The following TCERG1L variants were observed in gnomAD, a reference collection of about 807,000 sequenced individuals.
TCERG1L encodes transcription elongation regulator 1-like protein.
In TCERG1L, 37 loss-of-function variants were observed where a neutral mutation model predicts 56.3. The ratio of observed to expected loss-of-function variants is 0.66; its 90% confidence interval spans 0.51 to 0.87. The LOEUF is 0.87. Ranked by LOEUF, TCERG1L falls within the 40% of genes least tolerant of loss-of-function variation. The pLI, the probability that TCERG1L is intolerant of heterozygous loss-of-function variation, is 0.00. For missense variants in TCERG1L, 799 were observed against 774.2 expected, an observed-to-expected ratio of 1.03 and a Z score of -0.38; for synonymous variants, 324 against 326.3, an observed-to-expected ratio of 0.99 and a Z score of 0.08.
chr10:131,200,554 T>C lies in TCERG1L; in HGVS notation c.857-33669A>G, dbSNP rs117603474. 7.8e-4 allele frequency among the ~76,000 whole-genome samples: 119 copies of C among 152,348 alleles called. No homozygotes were observed. In the East Asian group the frequency reaches 0.021, roughly 27 times the overall value. ...TGTTTATCCTATGTGTGTTCCACCA[T>C]TGTATTTTGGAATCGGATGACTTGC... is the stretch of plus-strand genomic sequence containing the variant. On this transcript the variant is annotated intron_variant, in intron 4 of 11. Coordinates refer to ENST00000368642, the MANE Select transcript of TCERG1L (RefSeq NM_174937.4).
Position 131,260,494 on chromosome 10 carries a change from G to T in TCERG1L, c.671-50C>A. ...CAGCAAGGGGACGACCAGGGCCATG[G>T]GTGACAGATGCCCATCTCGCTACCG... On this transcript the variant is annotated intron_variant, in intron 3 of 11. Transcript: ENST00000368642. The surrounding 1 kb of genome is among the most constrained non-coding windows in gnomAD (Gnocchi z 5.8). 7.4e-7 allele frequency: 1 copy of T among 1,346,012 alleles called. No homozygotes were observed. The highest frequency in any genetic ancestry group is 9.6e-7 in the Non-Finnish European group (1 of 1,045,224). 83.4% of individuals were successfully genotyped at this position (1,346,012 alleles called of 1,614,324 possible).
chr10:131,177,244 T>C (rs1032553447), intron 4 of TCERG1L, among the ~76,000 whole-genome samples: 21 of 140,276 alleles, frequency 1.5e-4, no homozygotes, highest in African/African-American at 5.0e-4. Context: ...ACATGTACAC[T>C]ACACACACAC....
At chr10:131,191,883 A>AAAAAAAG (rs1564811246) in intron 4 of TCERG1L, among the ~76,000 whole-genome samples, 52 of 136,204 alleles carry the variant, frequency 3.8e-4, no homozygotes, top group African/African-American at 1.4e-3. Flanking sequence ...AAAAAAAAAA[A>AAAAAAAG]AAAAAAGAAA....
chr10:131,161,829 G>A (rs1845980289), intron 6 of TCERG1L: 1 of 152,342 alleles, frequency 6.6e-6, no homozygotes, highest in African/African-American at 2.4e-5. Context: ...CCAGGCTGGT[G>A]AACGCTGCAG....
intron 3 of TCERG1L, among the ~76,000 whole-genome samples, chr10:131,276,786 G>C (rs533370089): frequency 1.3e-5 from 2 of 152,284 alleles, no homozygotes; most frequent in East Asian, 3.9e-4. Flanking sequence ...TTCCATGACT[G>C]TCCGGGACGG....
chr10:131,120,853 C>T (rs1845505783), intron 8 of TCERG1L, among the ~76,000 whole-genome samples: 1 of 152,202 alleles, frequency 6.6e-6, no homozygotes, highest in South Asian at 2.1e-4. Context: ...CCTTCCCTCC[C>T]TCTCCAGCTT....
At chr10:131,206,309 A>G (rs1053872150) in intron 4 of TCERG1L, among the ~76,000 whole-genome samples, 4 of 152,186 alleles carry the variant, frequency 2.6e-5, no homozygotes, top group Admixed American at 6.5e-5. Context: ...CAGGGAGGTC[A>G]GCCCGGGACA....
In TCERG1L at chr10:131,302,799, C is replaced by G. The variant is rs536231534; in HGVS notation, c.670+5412G>C. Among the ~76,000 whole-genome samples the G allele has an allele frequency of 7.0e-4, 106 of 151,864 alleles. 3 individuals are homozygous for G. Among genetic ancestry groups the G allele is most frequent in the Middle Eastern group, 3.4e-3 (1 of 294 alleles). On this transcript the variant is annotated intron_variant, in intron 3 of 11. Coordinates refer to ENST00000368642, the MANE Select transcript of TCERG1L (RefSeq NM_174937.4). ...CCTAGCCCCCCACCCCGCAACAGGC[C>G]CTGGTGTGTGATGTTCCCCTCCCTG...
At chr10:131,249,228 A>G (rs1428456458) in intron 4 of TCERG1L, among the ~76,000 whole-genome samples, 3 of 152,240 alleles carry the variant, frequency 2.0e-5, no homozygotes, top group Non-Finnish European at 2.9e-5. Context: ...CATTGTCTTA[A>G]GCAGATATAA....
At chr10:131,207,687 C>T (rs969890539) in intron 4 of TCERG1L, among the ~76,000 whole-genome samples, 4 of 152,264 alleles carry the variant, frequency 2.6e-5, no homozygotes, top group Admixed American at 1.3e-4. Context: ...GTGAGGACAG[C>T]GCGGGCCTCT....
intron 6 of TCERG1L, among the ~76,000 whole-genome samples, chr10:131,149,989 T>C (rs1459643299): frequency 6.6e-6 from 1 of 152,222 alleles, no homozygotes. Flanking sequence ...AGAGGGCCCA[T>C]TTCTAACAGT....
At chr10:131,229,120 A>C (rs1845823841) in intron 4 of TCERG1L, among the ~76,000 whole-genome samples, 1 of 123,488 alleles carries the variant, frequency 8.1e-6, no homozygotes. Flanking sequence ...GCATTTCCTC[A>C]AGGTCTCCGG....
chr10:131,220,969 G>A (rs1845725364), intron 4 of TCERG1L, among the ~76,000 whole-genome samples: 1 of 152,160 alleles, frequency 6.6e-6, no homozygotes, highest in South Asian at 2.1e-4. Flanking sequence ...GGTCACTGAG[G>A]CAGCCCCACC....
intron 4 of TCERG1L, among the ~76,000 whole-genome samples, chr10:131,252,544 C>T (rs1251078278): frequency 6.6e-6 from 1 of 152,152 alleles, no homozygotes. Context: ...GCACGGATTT[C>T]ATTCATGCAC....
chr10:131,272,923 G>A lies in TCERG1L; in HGVS notation c.671-12479C>T, dbSNP rs562335579. Among the ~76,000 whole-genome samples, 204 of 152,340 alleles carry A rather than the reference G, an allele frequency of 1.3e-3. 1 individual carries two copies. The highest frequency in any genetic ancestry group is 1.8e-3 in the Non-Finnish European group (122 of 68,034). ...GTTGTTTAGAGGACCAAATGGACAA[G>A]GTGCCCAGCCGGGAGCTCTGTAGCT... On this transcript the variant is annotated intron_variant, in intron 3 of 11. Transcript: ENST00000368642.
intron 3 of TCERG1L, among the ~76,000 whole-genome samples, chr10:131,305,705 C>G (rs947067026): frequency 6.6e-6 from 1 of 152,084 alleles, no homozygotes; most frequent in African/African-American, 2.4e-5. Flanking sequence ...TTGATTCACT[C>G]TTCCAGCTCT....
At chr10:131,236,002 C>T (rs910035688) in intron 4 of TCERG1L, among the ~76,000 whole-genome samples, 2 of 152,232 alleles carry the variant, frequency 1.3e-5, no homozygotes, top group African/African-American at 4.8e-5. Context: ...GTGCCCGCTA[C>T]ATGAGCAAAT....
chr10:131,271,778 C>G (rs1375071767), intron 3 of TCERG1L, among the ~76,000 whole-genome samples: 4 of 152,198 alleles, frequency 2.6e-5, no homozygotes, highest in Non-Finnish European at 5.9e-5. Context: ...CCCAGGATGG[C>G]TGGTGAGGGT....
rs1322190636 is a variant in TCERG1L at position 131,099,128 on chromosome 10, C to T, written c.1486-704G>A. ...TCGGGCACTGGGCACTCCCATCTGACCAGAAATGCATCTCAAATGCTGCCC... is the reference window on the plus strand; with the variant it reads ...TCGGGCACTGGGCACTCCCATCTGATCAGAAATGCATCTCAAATGCTGCCC... On this transcript the variant is annotated intron_variant, in intron 10 of 11. Transcript: ENST00000368642. 2.6e-5 allele frequency among the ~76,000 whole-genome samples: 4 copies of T among 152,156 alleles called. No individual in the cohort carries two copies. The East Asian group carries it at 7.7e-4, about 29-fold the overall frequency.
Sources: allele counts gnomAD v4.1 joint callset (sites outside exome capture counted in the v4.1 genomes callset), GRCh38; gene constraint gnomAD v4.1.1; non-coding constraint Gnocchi (gnomAD v3.1); transcripts MANE v1.5; gene names NCBI Gene and HGNC (gene_info 2026-07-23, HGNC 2026-07-21).